SEMA4A: variants seen among roughly 807,000 people sequenced by gnomAD.
SEMA4A encodes semaphorin-4A.
SEMA4A carries 52 observed loss-of-function variants against 72.5 expected under a neutral mutation model. The ratio of observed to expected loss-of-function variants is 0.72; its 90% CI spans 0.57 to 0.90. SEMA4A has a LOEUF of 0.90. Among genes scored for constraint, SEMA4A ranks in the 40% least tolerant of loss-of-function variants. The pLI is 0.00. For missense variants in SEMA4A, 926 were observed against 959.7 expected (o/e 0.96, Z 0.46); for synonymous variants, 369 against 393.1 (o/e 0.94, Z 0.73).
chr1:156,171,844 C>T (rs772596273), intron 10 of SEMA4A, among the ~76,000 whole-genome samples: 2 of 152,010 alleles, frequency 1.3e-5, no homozygotes, highest in Non-Finnish European at 2.9e-5. Flanking sequence ...AGTGCAGTGG[C>T]GCAATCTCGG....
Position 156,163,114 on chromosome 1 carries a change from C to A in SEMA4A, c.1134+20C>A, listed in dbSNP as rs1558153042. ...GGCAGTGTGAGTACTACCCCCCACACTGAGCACAGTCTACACATACATAAT... is the reference window on the plus strand; with the variant it reads ...GGCAGTGTGAGTACTACCCCCCACAATGAGCACAGTCTACACATACATAAT... On this transcript the variant is annotated intron_variant, in intron 10 of 14. Coordinates refer to ENST00000368285, the MANE Select transcript of SEMA4A (RefSeq NM_022367.4). 6.2e-7 allele frequency: 1 copy of A among 1,607,050 alleles called. No homozygotes were observed.
At position 156,153,614 on chromosome 1, in the gene SEMA4A, G is replaced by A. The variant is rs1652727583; in HGVS notation, c.-180G>A. Reference sequence around the variant, plus strand: ...CTGGCTTTGGCATGATGGGCACCTGGAGGGCCGCACTCCCGTTCCAGCCAG... The same window carrying A: ...CTGGCTTTGGCATGATGGGCACCTGAAGGGCCGCACTCCCGTTCCAGCCAG... On this transcript the variant is annotated 5_prime_UTR_variant, in exon 1 of 15. The change creates a premature stop within an existing upstream ORF in the 5' untranslated region. Coordinates refer to ENST00000368285, the MANE Select transcript of SEMA4A (RefSeq NM_022367.4). 6.6e-6 allele frequency: 1 copy of A among 152,394 alleles called. No individual in the cohort carries two copies. Among genetic ancestry groups the A allele is most frequent in the East Asian group, 1.9e-4 (1 of 5,326 alleles). 9.4% of individuals were successfully genotyped at this position (152,394 alleles called of 1,614,324 possible). A position where few individuals can be genotyped will look rare whatever the true frequency, so the allele number is the denominator to read the frequency against.
intron 10 of SEMA4A, among the ~76,000 whole-genome samples, chr1:156,172,023 A>G (rs1654838403): frequency 6.6e-6 from 1 of 150,674 alleles, no homozygotes; most frequent in African/African-American, 2.4e-5. Flanking sequence ...TGACTTCGTG[A>G]TCCGCCAGCC....
intron 13 of SEMA4A, 96 bp from the exon 14 acceptor site, chr1:156,175,460 C>A: frequency 8.7e-7 from 1 of 1,146,158 alleles, no homozygotes; most frequent in Non-Finnish European, 1.3e-6. Flanking sequence ...TCTCCCCTGG[C>A]CTACCTTCTT....
intron 14 of SEMA4A, among the ~76,000 whole-genome samples, 167 bp from the exon 15 acceptor site, chr1:156,176,238 G>A (rs934810179): frequency 2.0e-5 from 3 of 151,544 alleles, no homozygotes; most frequent in African/African-American, 7.3e-5. Flanking sequence ...TGAGGTTGCA[G>A]TGAGCTGAGG....
chr1:156,170,460 CAAAAAAAAAAAA>C (rs35927446), intron 10 of SEMA4A, among the ~76,000 whole-genome samples: 10 of 40,304 alleles, frequency 2.5e-4, no homozygotes, highest in African/African-American at 3.1e-4. Flanking sequence ...GATACTGTCT[CAAAAAAAAAAAA>C]AAAAAAAAAA....
rs1022647342 is a variant in SEMA4A at position 156,157,502 on chromosome 1, C to T, written c.301-568C>T. ...CCTGGCTGCTTCTGTCTTAGTCGCCCTATTAATGGGAACAATGTGAGGAAG... is the reference window on the plus strand; with the variant it reads ...CCTGGCTGCTTCTGTCTTAGTCGCCTTATTAATGGGAACAATGTGAGGAAG... On this transcript the variant is annotated intron_variant, in intron 3 of 14. Coordinates refer to ENST00000368285, the MANE Select transcript of SEMA4A (RefSeq NM_022367.4). The surrounding 1 kb of genome is among the most constrained non-coding windows in gnomAD (Gnocchi z 4.5). 1.3e-5 allele frequency among the ~76,000 whole-genome samples: 2 copies of T among 152,046 alleles called. No individual in the cohort carries two copies. Among genetic ancestry groups the T allele is most frequent in the Admixed American group, 6.6e-5 (1 of 15,264 alleles).
At position 156,177,113 on chromosome 1, in the gene SEMA4A, A is replaced by G; in HGVS notation, c.*116A>G. The G allele has an allele frequency of 2.2e-6, 2 of 900,236 alleles. No individual in the cohort carries two copies. The highest frequency in any genetic ancestry group is 2.7e-4 in the Middle Eastern group (1 of 3,704). 55.8% of individuals were successfully genotyped at this position (900,236 alleles called of 1,614,324 possible). On this transcript the variant is annotated 3_prime_UTR_variant, in exon 15 of 15. Coordinates refer to ENST00000368285, the MANE Select transcript of SEMA4A (RefSeq NM_022367.4). ...CAAAAGACCACCTTTCTCCCCTGAG[A>G]GGAGCTTCTGCTACTCTGCATCACT... is the stretch of plus-strand genomic sequence containing the variant.
intron 10 of SEMA4A, among the ~76,000 whole-genome samples, chr1:156,167,273 G>A (rs1412126794): frequency 5.3e-5 from 8 of 151,842 alleles, no homozygotes; most frequent in Non-Finnish European, 7.4e-5. Flanking sequence ...AGGATTGTTT[G>A]AGCCCAGGAG....
At chr1:156,154,319 G>T in intron 1 of SEMA4A, 2 of 567,046 alleles carry the variant, frequency 3.5e-6, no homozygotes, top group South Asian at 4.1e-5. Flanking sequence ...GGATAGGGGA[G>T]ACCTGGGCTC....
upstream of SEMA4A, among the ~76,000 whole-genome samples, chr1:156,151,491 C>T (rs1186453970): frequency 2.6e-5 from 4 of 152,202 alleles, no homozygotes; most frequent in African/African-American, 9.6e-5. Context: ...AAGAAGGTTT[C>T]TGTTCCCTCT....
chr1:156,175,266 G>A, intron 13 of SEMA4A, 23 bp downstream of exon 13: 2 of 1,597,922 alleles, frequency 1.3e-6, no homozygotes, highest in Non-Finnish European at 1.7e-6. Flanking sequence ...CCTGGATGGT[G>A]GCCTGGATGG....
intron 10 of SEMA4A, among the ~76,000 whole-genome samples, chr1:156,167,981 C>T (rs144750930): frequency 3.3e-5 from 5 of 152,172 alleles, no homozygotes; most frequent in Non-Finnish European, 5.9e-5. Flanking sequence ...AGTGCAATGG[C>T]GCGATCTTAG....
intron 2 of SEMA4A, chr1:156,156,113 C>T (rs1291045702): frequency 2.4e-6 from 1 of 408,960 alleles, no homozygotes; most frequent in African/African-American, 2.1e-5. Context: ...CCAAGGCGTC[C>T]TCCCCGACGG....
chr1:156,171,369 G>T (rs530178162), intron 10 of SEMA4A, among the ~76,000 whole-genome samples: 7 of 152,232 alleles, frequency 4.6e-5, no homozygotes, highest in Non-Finnish European at 1.0e-4. Flanking sequence ...TTATGGGTGA[G>T]AAAAAGGAGG....
Position 156,175,179 on chromosome 1 carries a change from C to A in SEMA4A, c.1528C>A (p.Arg510=). 1 of 1,614,122 alleles carries A rather than the reference C, an allele frequency of 6.2e-7. No homozygotes were observed. Among genetic ancestry groups the A allele is most frequent in the Non-Finnish European group, 8.5e-7 (1 of 1,180,020 alleles). ...GAGCTGTGTGGACTGTGTCCTTGCC[C>A]GGGACCCCCACTGTGCCTGGGACCC... The part of the protein sequence containing the change: ...YESCVDCVLA[R]DPHCAWDPES... Residue 510 remains arginine, a synonymous_variant, in exon 13 of 15, where the codon CGG becomes AGG. Transcript: ENST00000368285.
chr1:156,161,283 G>C (rs1381823731), intron 8 of SEMA4A, 63 bp from the exon 9 acceptor site: 1 of 1,143,916 alleles, frequency 8.7e-7, no homozygotes, highest in East Asian at 2.8e-5. Context: ...GGGGCGGGGA[G>C]GACACGCGGG....
intron 10 of SEMA4A, among the ~76,000 whole-genome samples, chr1:156,171,695 G>A (rs538904269): frequency 6.6e-6 from 1 of 152,004 alleles, no homozygotes; most frequent in East Asian, 1.9e-4. Flanking sequence ...TCCTGCCTCA[G>A]CTTCCTGAGT....
At position 156,176,728 on chromosome 1, in the gene SEMA4A, G is replaced by A. The variant is rs151030269; in HGVS notation, c.2017G>A (p.Ala673Thr). The A allele has an allele frequency of 4.1e-5, 66 of 1,612,986 alleles. No homozygotes were observed. Among genetic ancestry groups the A allele is most frequent in the East Asian group, 1.1e-4 (5 of 44,884 alleles). The change falls in exon 15 of 15, where the codon GCC (alanine) becomes ACC (threonine). Residue 673 changes from alanine (A) to threonine (T), a missense_variant. By Grantham distance (58) the Ala-to-Thr change is moderately conservative. Coordinates refer to ENST00000368285, the MANE Select transcript of SEMA4A (RefSeq NM_022367.4). ...GTTGACCAGGGTCAGTGGTGGGGCC[G>A]CCCTGGCTGCCCAGCAGTCCTACTG... Reference protein sequence around the residue: ...VPLTRVSGGAALAAQQSYWPH... With the variant: ...VPLTRVSGGATLAAQQSYWPH...
Sources: allele counts gnomAD v4.1 joint callset (sites outside exome capture counted in the v4.1 genomes callset), GRCh38; gene constraint gnomAD v4.1.1; non-coding constraint Gnocchi (gnomAD v3.1); transcripts MANE v1.5; gene names NCBI Gene and HGNC (gene_info 2026-07-23, HGNC 2026-07-21).